The following THADA variants were observed in gnomAD, a reference collection of about 807,000 sequenced individuals.
THADA encodes tRNA (32-2'-O)-methyltransferase regulator THADA.
THADA carries 213 observed loss-of-function variants against 219.8 expected under a neutral mutation model. The observed-to-expected ratio is 0.97, with a 90% CI of 0.87 to 1.09. THADA has a LOEUF of 1.09. THADA is among the 50% of genes least tolerant of loss of function. The pLI is 0.00. For synonymous variants in THADA, 1,018 were observed against 828.9 expected, an observed-to-expected ratio of 1.23 and a Z score of -3.92; for missense variants, 2,956 against 2,311.3, an observed-to-expected ratio of 1.28 and a Z score of -5.72.
At chr2:43,560,153 T>C in intron 16 of THADA, 81 bp downstream of exon 16, 8 of 1,246,988 alleles carry the variant, frequency 6.4e-6, no homozygotes, top group Admixed American at 5.2e-5. Context: ...GCAAAGCACA[T>C]GAATAATCCT....
At chr2:43,311,405 C>T (rs774499770) in intron 31 of THADA, among the ~76,000 whole-genome samples, 2 of 152,160 alleles carry the variant, frequency 1.3e-5, no homozygotes, top group Non-Finnish European at 2.9e-5. Context: ...AAACTTCATA[C>T]ACTGGTGGTA....
chr2:43,434,840 G>C (rs1291175264), intron 26 of THADA, among the ~76,000 whole-genome samples: 1 of 152,206 alleles, frequency 6.6e-6, no homozygotes, highest in African/African-American at 2.4e-5. Context: ...CAAGGCAAGG[G>C]GGTCTAATTG....
At chr2:43,498,806 A>G in intron 25 of THADA, 27 bp downstream of exon 25, 1 of 1,604,578 alleles carries the variant, frequency 6.2e-7, no homozygotes, top group Non-Finnish European at 8.5e-7. Flanking sequence ...AATTAAATCA[A>G]TGAAAATAAA....
intron 17 of THADA, among the ~76,000 whole-genome samples, chr2:43,554,700 G>T (rs1697143951): frequency 6.6e-6 from 1 of 152,194 alleles, no homozygotes; most frequent in Non-Finnish European, 1.5e-5. Context: ...ATTTGTTGGT[G>T]AGAGTGTAAT....
chr2:43,308,607 T>A (rs1166462077), intron 31 of THADA, among the ~76,000 whole-genome samples: 1 of 151,372 alleles, frequency 6.6e-6, no homozygotes, highest in Non-Finnish European at 1.5e-5. Context: ...GAGGCTGGGG[T>A]TGGAGGATTT....
intron 26 of THADA, among the ~76,000 whole-genome samples, chr2:43,464,531 T>C (rs914007054): frequency 2.0e-5 from 3 of 152,158 alleles, no homozygotes; most frequent in African/African-American, 4.8e-5. Flanking sequence ...CTAATAAGTT[T>C]TGTTAAATGC....
chr2:43,271,053 A>G (rs1672060492), intron 36 of THADA, among the ~76,000 whole-genome samples: 1 of 152,272 alleles, frequency 6.6e-6, no homozygotes, highest in South Asian at 2.1e-4. Flanking sequence ...CACCTCCCCT[A>G]GGCCTTCCAG....
chr2:43,363,812 C>T (rs111359883), intron 29 of THADA, among the ~76,000 whole-genome samples: 28 of 152,254 alleles, frequency 1.8e-4, no homozygotes, highest in African/African-American at 6.5e-4. Flanking sequence ...AATAAGCCAG[C>T]CACTCGGGAG....
rs1440678037 is a variant in THADA at position 43,554,356 on chromosome 2, A to T, written c.2674+1989T>A. 5.9e-5 allele frequency among the ~76,000 whole-genome samples: 9 copies of T among 152,338 alleles called. No homozygotes were observed. In the East Asian group the frequency reaches 1.7e-3, roughly 29 times the overall value. On this transcript the variant is annotated intron_variant, in intron 17 of 37. Transcript: ENST00000405975. ...GTCCAGTTATACCAGTATAACAGAC[A>T]TCTCCCCTCAACGCCTTGGAAGGAG...
intron 36 of THADA, among the ~76,000 whole-genome samples, chr2:43,257,354 C>T (rs1205522897): frequency 6.6e-6 from 1 of 152,226 alleles, no homozygotes; most frequent in Non-Finnish European, 1.5e-5. Flanking sequence ...CCCTGCGCCT[C>T]CCTATGACAG....
intron 29 of THADA, among the ~76,000 whole-genome samples, chr2:43,396,588 G>T (rs1674068064): frequency 6.6e-6 from 1 of 152,108 alleles, no homozygotes; most frequent in Non-Finnish European, 1.5e-5. Flanking sequence ...ATCACTTGAG[G>T]TCAGGAGTTC....
intron 36 of THADA, among the ~76,000 whole-genome samples, chr2:43,261,507 C>G (rs1239384599): frequency 6.6e-6 from 1 of 152,068 alleles, no homozygotes; most frequent in East Asian, 1.9e-4. Context: ...GTCGCCCAGG[C>G]TGGACTGCAA....
intron 36 of THADA, among the ~76,000 whole-genome samples, chr2:43,241,433 A>G (rs1324724442): frequency 1.3e-5 from 2 of 151,246 alleles, no homozygotes; most frequent in Non-Finnish European, 3.0e-5. Context: ...AAAAGAAAGT[A>G]TATGCGGAGG....
chr2:43,546,297 G>A lies in THADA; in HGVS notation c.3106+2913C>T, dbSNP rs1262058937. Reference sequence around the variant, plus strand: ...GGAGAGCTTTACTTCCCACTACGTGGTCAATTTTGGAATAGGTGTGGTGTG... The same window carrying A: ...GGAGAGCTTTACTTCCCACTACGTGATCAATTTTGGAATAGGTGTGGTGTG... On this transcript the variant is annotated intron_variant, in intron 20 of 37. Transcript: ENST00000405975. Among the ~76,000 whole-genome samples the A allele has an allele frequency of 1.1e-4, 16 of 152,134 alleles. No individual in the cohort carries two copies. The South Asian group carries it at 3.3e-3, about 32-fold the overall frequency.
At chr2:43,430,378 A>G in intron 26 of THADA, 76 bp from the exon 27 acceptor site, 3 of 751,512 alleles carry the variant, frequency 4.0e-6, no homozygotes, top group Non-Finnish European at 6.4e-6. Flanking sequence ...TTTTAAAAAA[A>G]GGAAGATAAG....
At chr2:43,394,148 CT>C (rs1421605755) in intron 29 of THADA, among the ~76,000 whole-genome samples, 2 of 152,222 alleles carry the variant, frequency 1.3e-5, no homozygotes, top group Admixed American at 6.5e-5. Flanking sequence ...TCATTTACCC[CT>C]GGCTCTCATG....
chr2:43,480,792 C>T (rs1686110380), intron 26 of THADA, among the ~76,000 whole-genome samples: 1 of 148,678 alleles, frequency 6.7e-6, no homozygotes, highest in African/African-American at 2.5e-5. Flanking sequence ...AACTCCAGCC[C>T]AGGCAACAGT....
At chr2:43,550,800 C>T (rs570380259) in intron 19 of THADA, among the ~76,000 whole-genome samples, 92 of 152,144 alleles carry the variant, frequency 6.0e-4, no homozygotes, top group Non-Finnish European at 1.3e-3. Context: ...TATTCTTATG[C>T]ACTGCTCAAG....
At chr2:43,481,844 G>A (rs1420794670) in intron 26 of THADA, among the ~76,000 whole-genome samples, 1 of 152,096 alleles carries the variant, frequency 6.6e-6, no homozygotes, top group African/African-American at 2.4e-5. Context: ...ATGAAGCTTT[G>A]GCAAAGCACA....
Sources: allele counts gnomAD v4.1 joint callset (sites outside exome capture counted in the v4.1 genomes callset), GRCh38; gene constraint gnomAD v4.1.1; transcripts MANE v1.5; gene names NCBI Gene and HGNC (gene_info 2026-07-23, HGNC 2026-07-21).